Variants in ADD2 observed in about 807,000 individuals in gnomAD.
ADD2 encodes the protein adducin 2, also known as beta-adducin.
A neutral mutation model predicts 83.0 loss-of-function variants in ADD2; 23 were observed. The observed-to-expected ratio is 0.28, with a 90% CI of 0.20 to 0.39. The LOEUF is 0.39. ADD2 is among the 10% of genes least tolerant of loss of function. The probability of loss-of-function intolerance (pLI) is 1.00; values close to 1 mark genes in which losing one functional copy is unlikely to be tolerated. For synonymous variants in ADD2, 375 were observed against 375.4 expected, an observed-to-expected ratio of 1.00 and a Z score of 0.01; for missense variants, 758 against 944.9, an observed-to-expected ratio of 0.80 and a Z score of 2.59.
intron 1 of ADD2, 100 bp downstream of exon 1, chr2:70,767,786 G>A: frequency 1.3e-6 from 2 of 1,496,320 alleles, no homozygotes; most frequent in Non-Finnish European, 8.9e-7. Context: ...CGCCCCACCT[G>A]GGCCAAGCGG....
intron 6 of ADD2, 150 bp downstream of exon 6, chr2:70,695,571 T>G: frequency 1.5e-6 from 1 of 687,190 alleles, no homozygotes; most frequent in Non-Finnish European, 2.5e-6. Flanking sequence ...CTCTGGACAC[T>G]TAGTTTGTTC....
chr2:70,689,826 TC>T (rs1477235705), intron 8 of ADD2, among the ~76,000 whole-genome samples: 3 of 152,178 alleles, frequency 2.0e-5, no homozygotes, highest in Non-Finnish European at 2.9e-5. Flanking sequence ...ACAACAAGAT[TC>T]CATTTTTCTC....
chr2:70,742,061 C>T (rs1035454434), intron 1 of ADD2, among the ~76,000 whole-genome samples: 2 of 152,148 alleles, frequency 1.3e-5, no homozygotes, highest in East Asian at 1.9e-4. Context: ...GCATTTGATC[C>T]AATCTGTTTT....
chr2:70,665,712 T>C (rs528888861), intron 15 of ADD2, among the ~76,000 whole-genome samples: 2 of 152,332 alleles, frequency 1.3e-5, no homozygotes, highest in Non-Finnish European at 2.9e-5. Context: ...AAGTCTCTCC[T>C]GATCCTCGTT....
chr2:70,735,018 T>C (rs1442082722), intron 1 of ADD2, among the ~76,000 whole-genome samples: 3 of 152,202 alleles, frequency 2.0e-5, no homozygotes, highest in Non-Finnish European at 4.4e-5. Context: ...TTCAGAATTT[T>C]GAAATAATTA....
intron 9 of ADD2, 31 bp from the exon 10 acceptor site, chr2:70,683,798 A>C: frequency 6.3e-7 from 1 of 1,594,554 alleles, no homozygotes; most frequent in Non-Finnish European, 8.6e-7. Context: ...CCCTCAGCCC[A>C]TGTGCACATG....
chr2:70,674,105 C>G (rs189729742), intron 14 of ADD2, among the ~76,000 whole-genome samples: 73 of 152,216 alleles, frequency 4.8e-4, no homozygotes, highest in Admixed American at 1.6e-3. Flanking sequence ...GACAGGGAGG[C>G]CCTTCCTAGC....
At chr2:70,702,480 A>G (rs1245649403) in intron 4 of ADD2, among the ~76,000 whole-genome samples, 1 of 152,168 alleles carries the variant, frequency 6.6e-6, no homozygotes, top group East Asian at 1.9e-4. Context: ...AGTTATTGTA[A>G]AGAATAAACT....
intron 13 of ADD2, chr2:70,675,166 G>A (rs1670069409): frequency 1.9e-6 from 2 of 1,029,252 alleles, no homozygotes; most frequent in African/African-American, 1.7e-5. Flanking sequence ...TACAGTTGGT[G>A]GCCCAAAGCC....
At chr2:70,691,314 G>C (rs1024991683) in intron 7 of ADD2, among the ~76,000 whole-genome samples, 1 of 152,286 alleles carries the variant, frequency 6.6e-6, no homozygotes, top group Middle Eastern at 3.4e-3. Context: ...GCTAGGGTAA[G>C]CAGAGTCCAG....
intron 1 of ADD2, among the ~76,000 whole-genome samples, chr2:70,726,294 C>T (rs1486768019): frequency 6.6e-6 from 1 of 151,724 alleles, no homozygotes; most frequent in Non-Finnish European, 1.5e-5. Flanking sequence ...TCCAGTCAGC[C>T]ACAATGCTGG....
At chr2:70,711,181 A>G (rs1672159107) in intron 2 of ADD2, 1 of 152,212 alleles carries the variant, frequency 6.6e-6, no homozygotes, top group Non-Finnish European at 1.5e-5. Flanking sequence ...GCCAGGTATG[A>G]TATAAGAAAG....
intron 1 of ADD2, among the ~76,000 whole-genome samples, chr2:70,736,674 G>A (rs1673579603): frequency 6.6e-6 from 1 of 152,014 alleles, no homozygotes; most frequent in South Asian, 2.1e-4. Context: ...TCAAGAAGCT[G>A]CCTAGTTCAG....
intron 7 of ADD2, 109 bp from the exon 8 acceptor site, chr2:70,691,038 G>C (rs1478580830): frequency 7.4e-7 from 1 of 1,349,064 alleles, no homozygotes; most frequent in Non-Finnish European, 9.8e-7. Flanking sequence ...GGGGTGAGGA[G>C]TGAGGGGTGA....
intron 14 of ADD2, chr2:70,673,300 A>G (rs1669985523): frequency 6.2e-7 from 1 of 1,614,112 alleles, no homozygotes; most frequent in Non-Finnish European, 8.5e-7. Flanking sequence ...GCCGGACCAG[A>G]GCCTGGCTCT....
chr2:70,760,806 T>G (rs1328726372), intron 1 of ADD2: 1 of 152,138 alleles, frequency 6.6e-6, no homozygotes, highest in Non-Finnish European at 1.5e-5. Context: ...TATTTTAAGG[T>G]TTTTTTAAAT....
intron 4 of ADD2, among the ~76,000 whole-genome samples, chr2:70,701,702 G>GTA (rs1366192310): frequency 7.9e-5 from 12 of 151,938 alleles, no homozygotes; most frequent in African/African-American, 1.2e-4. Context: ...ACACTTATAT[G>GTA]TATATATATA....
intron 6 of ADD2, among the ~76,000 whole-genome samples, chr2:70,694,077 C>T (rs1388824427): frequency 6.6e-6 from 1 of 152,208 alleles, no homozygotes; most frequent in African/African-American, 2.4e-5. Flanking sequence ...TTGTGCAGTG[C>T]ACAAACTGCA....
intron 1 of ADD2, among the ~76,000 whole-genome samples, chr2:70,726,287 A>T (rs2104453225): frequency 6.6e-6 from 1 of 151,890 alleles, no homozygotes; most frequent in South Asian, 2.1e-4. Flanking sequence ...TTGTAGATCC[A>T]GTCAGCCACA....
Sources: gnomAD v4.1 joint callset for allele counts (sites outside exome capture counted in the v4.1 genomes callset) on GRCh38, gnomAD v4.1.1 for gene constraint, MANE v1.5 for transcripts, NCBI Gene and HGNC (gene_info 2026-07-23, HGNC 2026-07-21) for gene names.